BIRC5: variants seen among roughly 807,000 people sequenced by gnomAD.
The protein encoded by BIRC5 is baculoviral IAP repeat containing 5.
Under a neutral mutation model 15.8 loss-of-function variants are expected in BIRC5, and 8 were observed. The ratio of observed to expected loss-of-function variants is 0.51; its 90% CI spans 0.30 to 0.91. The LOEUF is 0.91. Ranked by LOEUF, BIRC5 falls within the 40% of genes least tolerant of loss-of-function variation. BIRC5 has a pLI of 0.07. For synonymous variants in BIRC5, 56 were observed against 64.5 expected (o/e 0.87, Z 0.63); for missense variants, 163 against 178.6 (o/e 0.91, Z 0.50).
At chr17:78,215,025 T>C in intron 2 of BIRC5, 2 of 472,908 alleles carry the variant, frequency 4.2e-6, no homozygotes, top group Non-Finnish European at 7.8e-6. Flanking sequence ...ATGCCTTTCA[T>C]GTTCAACAGA....
chr17:78,215,558 A>G (rs1599027644), intron 2 of BIRC5, among the ~76,000 whole-genome samples: 1 of 151,856 alleles, frequency 6.6e-6, no homozygotes, highest in East Asian at 1.9e-4. Context: ...GTAATGCCAT[A>G]TTCTTTTCTC....
intron 2 of BIRC5, 76 bp from the exon 3 acceptor site, chr17:78,216,588 G>A: frequency 8.0e-7 from 1 of 1,242,498 alleles, no homozygotes; most frequent in Non-Finnish European, 1.2e-6. Context: ...GAGGGCGTGG[G>A]GAGGTGGCCC....
At chr17:78,215,829 C>T (rs138008947) in intron 2 of BIRC5, 1 of 985,570 alleles carries the variant, frequency 1.0e-6, no homozygotes, top group Non-Finnish European at 1.3e-6. Flanking sequence ...GCCATGTTTT[C>T]ATTGTAATGC....
intron 3 of BIRC5, among the ~76,000 whole-genome samples, chr17:78,220,713 A>G (rs912501520): frequency 1.3e-5 from 2 of 151,906 alleles, no homozygotes; most frequent in African/African-American, 4.9e-5. Context: ...TTTTGAAACA[A>G]TATAATCTTT....
intron 3 of BIRC5, among the ~76,000 whole-genome samples, chr17:78,221,931 C>T (rs12945091): frequency 0.41 from 62,453 of 152,052 alleles, 13,045 homozygotes; most frequent in African/African-American, 0.49. Flanking sequence ...GGTGCAGTGG[C>T]TTGTGCCTGA....
At chr17:78,219,406 A>ATC (rs2076501257) in intron 3 of BIRC5, among the ~76,000 whole-genome samples, 1 of 152,168 alleles carries the variant, frequency 6.6e-6, no homozygotes, top group Non-Finnish European at 1.5e-5. Flanking sequence ...GCTGGTCTCG[A>ATC]ACTCCTGGCC....
chr17:78,222,969 T>C, intron 3 of BIRC5: 1 of 1,505,280 alleles, frequency 6.6e-7, no homozygotes, highest in Non-Finnish European at 8.8e-7. Context: ...CTCTGGACTT[T>C]CCTCCAGGAG....
At chr17:78,217,835 T>C (rs2076490266) in intron 3 of BIRC5, among the ~76,000 whole-genome samples, 1 of 151,820 alleles carries the variant, frequency 6.6e-6, no homozygotes, top group African/African-American at 2.4e-5. Context: ...CTCTGTCACC[T>C]GGGCTGCAGT....
At position 78,223,779 on chromosome 17, in the gene BIRC5, T is replaced by C; in HGVS notation, c.*225T>C. On this transcript the variant is annotated 3_prime_UTR_variant, in exon 4 of 4. Coordinates refer to ENST00000350051, the MANE Select transcript of BIRC5 (RefSeq NM_001168.3). ...CTGCTGGTAACAGTGGCTGCTTCTC[T>C]CTCTCTCTCTCTTTTTTGGGGGCTC... 1 of 927,150 alleles carries C rather than the reference T, an allele frequency of 1.1e-6. No individual in the cohort carries two copies. Among genetic ancestry groups the C allele is most frequent in the Non-Finnish European group, 1.5e-6 (1 of 670,500 alleles). The allele number at this position is 927,150 out of a possible 1,614,324, so 57.4% of individuals were successfully genotyped here. A position where few individuals can be genotyped will look rare whatever the true frequency, so the allele number is the denominator to read the frequency against.
rs1567867232 is a variant in BIRC5, at chr17:78,223,928, T to G, written c.*374T>G. The G allele has an allele frequency of 3.5e-6, 1 of 282,388 alleles. No homozygotes were observed. The allele number at this position is 282,388 out of a possible 1,614,324, so 17.5% of individuals were successfully genotyped here. On this transcript the variant is annotated 3_prime_UTR_variant, in exon 4 of 4. Coordinates refer to ENST00000350051, the MANE Select transcript of BIRC5 (RefSeq NM_001168.3). ...CAGAGCCTTCCACAGTGAATGTGTC[T>G]GGACCTCATGTTGTTGAGGCTGTCA...
chr17:78,214,286 G>C lies in BIRC5; in HGVS notation c.-31G>C, dbSNP rs9904341. ...CCATTAACCGCCAGATTTGAATCGCGGGACCCGTTGGCAGAGGTGGCGGCG... is the reference window on the plus strand; with the variant it reads ...CCATTAACCGCCAGATTTGAATCGCCGGACCCGTTGGCAGAGGTGGCGGCG... On this transcript the variant is annotated 5_prime_UTR_variant, in exon 1 of 4. Transcript: ENST00000350051. 520,359 of 1,575,254 alleles carry C rather than the reference G, an allele frequency of 0.33. 87,970 individuals carry two copies. The highest frequency in any genetic ancestry group is 0.52 in the East Asian group (22,306 of 43,194).
At chr17:78,221,788 G>A (rs1034292107) in intron 3 of BIRC5, among the ~76,000 whole-genome samples, 1 of 152,198 alleles carries the variant, frequency 6.6e-6, no homozygotes, top group Non-Finnish European at 1.5e-5. Flanking sequence ...TTTTGAAAGA[G>A]AAGAAACTGA....
chr17:78,223,603 G>A lies in BIRC5; in HGVS notation c.*49G>A. On this transcript the variant is annotated 3_prime_UTR_variant, in exon 4 of 4. Coordinates refer to ENST00000350051, the MANE Select transcript of BIRC5 (RefSeq NM_001168.3). ...TCCCAGAGTGGCTGCACCACTTCCA[G>A]GGTTTATTCCCTGGTGCCACCAGCC... The A allele has an allele frequency of 2.5e-6, 4 of 1,611,598 alleles. No homozygotes were observed. Among genetic ancestry groups the A allele is most frequent in the Non-Finnish European group, 3.4e-6 (4 of 1,178,618 alleles).
intron 2 of BIRC5, chr17:78,216,374 T>C (rs1216304042): frequency 6.3e-6 from 2 of 318,772 alleles, no homozygotes; most frequent in Non-Finnish European, 1.2e-5. Flanking sequence ...TTTGGACATA[T>C]ACCATGTAAC....
At chr17:78,217,986 A>AT (rs1751030719) in intron 3 of BIRC5, among the ~76,000 whole-genome samples, 1 of 115,114 alleles carries the variant, frequency 8.7e-6, no homozygotes, top group Non-Finnish European at 1.9e-5. Flanking sequence ...TTATTTATTT[A>AT]TTTTCATAGA....
chr17:78,223,344 G>GTT, intron 3 of BIRC5, 121 bp from the exon 4 acceptor site: 2 of 948,354 alleles, frequency 2.1e-6, no homozygotes, highest in Non-Finnish European at 3.0e-6. Context: ...CTAGCCCAGT[G>GTT]CCCAGTTTAT....
In BIRC5 at chr17:78,220,199, C is replaced by T. The variant is rs17885248; in HGVS notation, c.340-3266C>T. Among the ~76,000 whole-genome samples the T allele has an allele frequency of 1.6e-3, 241 of 152,194 alleles. 2 individuals carry two copies. Among genetic ancestry groups the T allele is most frequent in the African/African-American group, 4.5e-3 (188 of 41,532 alleles). ...ATCCCAGCACTTTGGGAGGCCGAGG[C>T]GGGTGGATCACGAGGTCAGGAGATC... On this transcript the variant is annotated intron_variant, in intron 3 of 3. Coordinates refer to ENST00000350051, the MANE Select transcript of BIRC5 (RefSeq NM_001168.3).
intron 2 of BIRC5, 22 bp downstream of exon 2, chr17:78,214,811 T>C: frequency 1.3e-6 from 2 of 1,589,358 alleles, no homozygotes; most frequent in Non-Finnish European, 1.7e-6. Flanking sequence ...CTGGCCAGCC[T>C]CGATGGGCTT....
chr17:78,216,825 T>C lies in BIRC5; in HGVS notation c.339+44T>C, dbSNP rs748633945. ...AACTGCTCAAACCCTGTTCAATGTCTTTAGCACTAAACTACCTAGTCCCTC... is the reference window on the plus strand; with the variant it reads ...AACTGCTCAAACCCTGTTCAATGTCCTTAGCACTAAACTACCTAGTCCCTC... On this transcript the variant is annotated intron_variant, in intron 3 of 3. Coordinates refer to ENST00000350051, the MANE Select transcript of BIRC5 (RefSeq NM_001168.3). The C allele has an allele frequency of 2.0e-5, 29 of 1,478,522 alleles. No homozygotes were observed. In the South Asian group the frequency reaches 3.2e-4, roughly 16 times the overall value. 91.6% of individuals were successfully genotyped at this position (1,478,522 alleles called of 1,614,324 possible).
Sources: gnomAD v4.1 joint callset for allele counts (sites outside exome capture counted in the v4.1 genomes callset) on GRCh38, gnomAD v4.1.1 for gene constraint, MANE v1.5 for transcripts, NCBI Gene and HGNC (gene_info 2026-07-23, HGNC 2026-07-21) for gene names.